ZNF425: variants seen among roughly 807,000 people sequenced by gnomAD.
ZNF425 encodes the protein zinc finger protein 425.
In ZNF425, 21 loss-of-function variants were observed where a neutral mutation model predicts 17.0. The ratio of observed to expected loss-of-function variants is 1.23; its 90% confidence interval spans 0.88 to 1.78. ZNF425 has a LOEUF of 1.78. Among genes scored for constraint, ZNF425 ranks in the 40% most tolerant of loss-of-function variants. ZNF425 has a pLI of 0.00. For synonymous variants in ZNF425, 433 were observed against 384.1 expected (o/e 1.13, Z -1.49); for missense variants, 868 against 967.3 (o/e 0.90, Z 1.36).
rs377210131 is a variant in ZNF425, at chr7:149,118,227, G to T, written c.140C>A (p.Ser47Tyr). The change falls in exon 2 of 4, where the codon TCC becomes TAC. Residue 47 changes from serine (S) to tyrosine (Y), a missense_variant. By Grantham distance (144) the Ser-to-Tyr change is moderately radical (BLOSUM62 -2). Around this residue, in one of 5 missense-constraint regions of ZNF425, gnomAD observed 179 missense variants for 216.3 expected, o/e 0.83. Transcript: ENST00000378061. Reference sequence around the variant, plus strand: ...TCCTTAGAAGCTCATCTTACCCAGGGAATCAAGGGTCTCGTAATTGGTCTT... The same window carrying T: ...TCCTTAGAAGCTCATCTTACCCAGGTAATCAAGGGTCTCGTAATTGGTCTT... ...EMKTNYETLDSLGYAFSKPDL... is the reference protein window; with the variant it reads ...EMKTNYETLDYLGYAFSKPDL... The T allele has an allele frequency of 3.0e-5, 49 of 1,613,900 alleles. No homozygotes were observed. The highest frequency in any genetic ancestry group is 4.0e-5 in the Non-Finnish European group (47 of 1,180,024).
At chr7:149,107,074 T>A (rs1346158388) in intron 3 of ZNF425, among the ~76,000 whole-genome samples, 1 of 143,760 alleles carries the variant, frequency 7.0e-6, no homozygotes, top group Non-Finnish European at 1.5e-5. Flanking sequence ...ACCACTGTAC[T>A]CCAGCCTGGG....
intron 3 of ZNF425, among the ~76,000 whole-genome samples, chr7:149,111,619 A>AAAAAAAAAATAAT (rs1563146538): frequency 6.9e-6 from 1 of 145,574 alleles, no homozygotes; most frequent in African/African-American, 2.5e-5. Flanking sequence ...AAAAAAAAAA[A>AAAAAAAAAATAAT]AATTATATAT....
intron 2 of ZNF425, among the ~76,000 whole-genome samples, chr7:149,112,947 G>A (rs550902129): frequency 6.0e-5 from 9 of 149,634 alleles, no homozygotes; most frequent in African/African-American, 2.0e-4. Context: ...TTATAGGGGT[G>A]AGCCACCGCG....
chr7:149,124,298 G>A, intron 1 of ZNF425, among the ~76,000 whole-genome samples: 1 of 150,710 alleles, frequency 6.6e-6, no homozygotes, highest in Non-Finnish European at 1.5e-5. Context: ...TGGGACTACA[G>A]GCCCCCGCCA....
Position 149,104,551 on chromosome 7 carries a change from C to T in ZNF425, c.1320G>A (p.Arg440=). The change falls in exon 4 of 4, where the codon CGG becomes CGA. Residue 440 remains arginine (R), a synonymous_variant. Coordinates refer to ENST00000378061, the MANE Select transcript of ZNF425 (RefSeq NM_001001661.3). This position sits in a 1 kb window ranked among gnomAD's most constrained non-coding sequence, Gnocchi z 4.3. ...TGCTGCACTCCGGGCACTGGAAGGG[C>T]CGCTTCCCAATGTGCTGCAGCCCGT... The part of the protein sequence containing the change: ...KAHGLQHIGK[R]PFQCPECSRG... The T allele has an allele frequency of 6.2e-7, 1 of 1,612,386 alleles. No individual in the cohort carries two copies. Among genetic ancestry groups the T allele is most frequent in the Non-Finnish European group, 8.5e-7 (1 of 1,179,354 alleles).
chr7:149,115,100 A>ATTTTTTTTTT (rs71192755), intron 2 of ZNF425, among the ~76,000 whole-genome samples: 83 of 123,846 alleles, frequency 6.7e-4, no homozygotes, highest in African/African-American at 1.3e-3. Context: ...ACGCTGGCTA[A>ATTTTTTTTTT]TTTTTTTTTT....
rs1826014274 is a variant in ZNF425 at position 149,103,661 on chromosome 7, A to G, written c.2210T>C (p.Leu737Pro). 4 of 1,613,446 alleles carry G rather than the reference A, an allele frequency of 2.5e-6. No individual in the cohort carries two copies. Among genetic ancestry groups the G allele is most frequent in the Non-Finnish European group, 2.5e-6 (3 of 1,179,840 alleles). The change falls in exon 4 of 4, where the codon CTC becomes CCC. Residue 737 changes from leucine to proline, a missense_variant. Leu to Pro is a moderately conservative substitution (Grantham distance 98, BLOSUM62 -3). Coordinates refer to ENST00000378061, the MANE Select transcript of ZNF425 (RefSeq NM_001001661.3). ...GGCATGCACTGCAATGTGGGTCTTGAGCGCCCCCACGTACGTGAAGCTCCT... is the reference window on the plus strand; with the variant it reads ...GGCATGCACTGCAATGTGGGTCTTGGGCGCCCCCACGTACGTGAAGCTCCT... ...CGRSFTYVGA[L>P]KTHIAVHAKE...
At chr7:149,109,945 T>A (rs1198980566) in intron 3 of ZNF425, among the ~76,000 whole-genome samples, 1 of 151,460 alleles carries the variant, frequency 6.6e-6, no homozygotes, top group Admixed American at 6.6e-5. Context: ...GGCGCAATCT[T>A]GGCTCACTGC....
intron 3 of ZNF425, 24 bp from the exon 4 acceptor site, chr7:149,105,590 C>T: frequency 2.7e-6 from 4 of 1,493,304 alleles, no homozygotes; most frequent in Non-Finnish European, 3.6e-6. Context: ...AAGTATCACT[C>T]TCATCAGTGA....
rs563319968 is a variant in ZNF425 at position 149,103,320 on chromosome 7, G to C, written c.*292C>G. 3 of 330,688 alleles carry C rather than the reference G, an allele frequency of 9.1e-6. No individual in the cohort carries two copies. Among genetic ancestry groups the C allele is most frequent in the Non-Finnish European group, 1.7e-5 (3 of 180,406 alleles). 20.5% of individuals were successfully genotyped at this position (330,688 alleles called of 1,614,324 possible). On this transcript the variant is annotated 3_prime_UTR_variant, in exon 4 of 4. Coordinates refer to ENST00000378061, the MANE Select transcript of ZNF425 (RefSeq NM_001001661.3). Reference sequence around the variant, plus strand: ...CAGCCTCTGCCTCCTGGGCTCAAGCGATCCTCCTGCCTCAACCTCCCAAAG... The same window carrying C: ...CAGCCTCTGCCTCCTGGGCTCAAGCCATCCTCCTGCCTCAACCTCCCAAAG...
At chr7:149,114,606 C>T (rs1321618219) in intron 2 of ZNF425, among the ~76,000 whole-genome samples, 11 of 151,538 alleles carry the variant, frequency 7.3e-5, no homozygotes, top group Non-Finnish European at 1.5e-4. Context: ...ACTATGTTGG[C>T]CAGGCCGGTC....
intron 1 of ZNF425, among the ~76,000 whole-genome samples, chr7:149,125,155 G>C (rs4727018): frequency 0.6 from 90,636 of 152,046 alleles, 28,460 homozygotes; most frequent in East Asian, 0.9. Flanking sequence ...CCAAAGGAGG[G>C]TGGGGAAAAG....
At chr7:149,120,874 T>G (rs1428771462) in intron 1 of ZNF425, among the ~76,000 whole-genome samples, 2 of 152,218 alleles carry the variant, frequency 1.3e-5, no homozygotes, top group African/African-American at 2.4e-5. Flanking sequence ...ATTCACCTAC[T>G]GAGAAATATT....
chr7:149,104,083 C>G lies in ZNF425; in HGVS notation c.1788G>C (p.Gln596His). The change falls in exon 4 of 4, where the codon CAG becomes CAC. Residue 596 changes from glutamine to histidine, a missense_variant. By Grantham distance (24) the Gln-to-His change is conservative. Around this residue, in one of 5 missense-constraint regions of ZNF425, gnomAD observed 437 missense variants for 444.2 expected, o/e 0.98. Coordinates refer to ENST00000378061, the MANE Select transcript of ZNF425 (RefSeq NM_001001661.3). The surrounding 1 kb of genome is among the most constrained non-coding windows in gnomAD (Gnocchi z 4.3). ...ECDKTYTHQS[Q>H]LTEHLRLHSG... is the part of the protein sequence containing the mutation. ...TGTGCAGCCTCAGGTGCTCGGTGAG[C>G]TGAGACTGATGCGTGTAGGTCTTGT... 6.2e-7 allele frequency: 1 copy of G among 1,612,912 alleles called. No homozygotes were observed. Among genetic ancestry groups the G allele is most frequent in the Non-Finnish European group, 8.5e-7 (1 of 1,179,964 alleles).
chr7:149,104,207 T>C lies in ZNF425; in HGVS notation c.1664A>G (p.Gln555Arg), dbSNP rs975691903. 6 of 1,612,448 alleles carry C rather than the reference T, an allele frequency of 3.7e-6. No homozygotes were observed. The African/African-American group carries it at 8.0e-5, about 22-fold the overall frequency. The change falls in exon 4 of 4, where the codon CAG becomes CGG. Residue 555 changes from glutamine to arginine, a missense_variant. By Grantham distance (43) the Gln-to-Arg change is conservative. Coordinates refer to ENST00000378061, the MANE Select transcript of ZNF425 (RefSeq NM_001001661.3). The surrounding 1 kb of genome is among the most constrained non-coding windows in gnomAD (Gnocchi z 4.3). ...GAAGCTCTTGTCGCACTCGGGACAC[T>C]GGAAGGGCTCCTCGCCACTGTGAAG... ...TRLHSGEEPFQCPECDKSFSW... is the reference protein window; with the variant it reads ...TRLHSGEEPFRCPECDKSFSW...
Position 149,112,279 on chromosome 7 carries a change from C to A in ZNF425, c.162G>T (p.Lys54Asn). 6.2e-7 allele frequency: 1 copy of A among 1,613,520 alleles called. No homozygotes were observed. The highest frequency in any genetic ancestry group is 8.5e-7 in the Non-Finnish European group (1 of 1,179,744). The change falls in exon 3 of 4, where the codon AAG becomes AAT. Residue 54 changes from lysine (K) to asparagine (N), a missense_variant. Transcript: ENST00000378061. ...TLDSLGYAFSKPDLITWMEQG... is the reference protein window; with the variant it reads ...TLDSLGYAFSNPDLITWMEQG... ...GTTCCATCCATGTGATCAAATCTGG[C>A]TTGGAAAAAGCATACCCTGCAAATA...
Position 149,105,528 on chromosome 7 carries a change from G to A in ZNF425, c.343C>T (p.Arg115Cys), listed in dbSNP as rs1464476253. 6.6e-7 allele frequency: 1 copy of A among 1,515,536 alleles called. No homozygotes were observed. The highest frequency in any genetic ancestry group is 1.8e-4 in the Middle Eastern group (1 of 5,600). The allele number at this position is 1,515,536 out of a possible 1,614,324, so 93.9% of individuals were successfully genotyped here. Residue 115 changes from arginine to cysteine, a missense_variant, in exon 4 of 4, where the codon CGT (arginine) becomes TGT (cysteine). By Grantham distance (180) the Arg-to-Cys change is radical (BLOSUM62 -3). Coordinates refer to ENST00000378061, the MANE Select transcript of ZNF425 (RefSeq NM_001001661.3). ...TCCTGTTTTTGAGGACCATTTAAAC[G>A]GCAATCCTCTTCTTTTGTCCTGGGA... ...GTPRTKEEDC[R>C]LNGPQKQDLC...
chr7:149,119,421 C>T (rs1417122092), intron 1 of ZNF425, among the ~76,000 whole-genome samples: 1 of 152,200 alleles, frequency 6.6e-6, no homozygotes, highest in African/African-American at 2.4e-5. Context: ...ATGTACCCTT[C>T]ACCCACTTTA....
intron 1 of ZNF425, among the ~76,000 whole-genome samples, chr7:149,119,630 A>T (rs10952797): frequency 0.54 from 81,382 of 152,010 alleles, 25,314 homozygotes; most frequent in East Asian, 0.9. Context: ...TTAGATCAAA[A>T]CTGCTTTAAA....
Sources: allele counts gnomAD v4.1 joint callset (sites outside exome capture counted in the v4.1 genomes callset), GRCh38; gene constraint gnomAD v4.1.1; regional missense constraint gnomAD v4.1.1; non-coding constraint Gnocchi (gnomAD v3.1); transcripts MANE v1.5; gene names NCBI Gene and HGNC (gene_info 2026-07-23, HGNC 2026-07-21).